Variants in TMEM132C observed in about 807,000 individuals in gnomAD.
The protein encoded by TMEM132C is protein phosphatase 1, regulatory subunit 152.
A neutral mutation model predicts 61.4 loss-of-function variants in TMEM132C; 29 were observed. The ratio of observed to expected loss-of-function variants is 0.47; its 90% CI spans 0.35 to 0.64. The LOEUF (loss-of-function observed/expected upper bound fraction) is 0.64, where lower values mean the gene tolerates loss of function less well. Among genes scored for constraint, TMEM132C ranks in the 30% least tolerant of loss-of-function variants. The pLI, the probability that TMEM132C is intolerant of heterozygous loss-of-function variation, is 0.00. For missense variants in TMEM132C, 1,408 were observed against 1,476.9 expected, an observed-to-expected ratio of 0.95 and a Z score of 0.76; for synonymous variants, 656 against 633.1, an observed-to-expected ratio of 1.04 and a Z score of -0.54.
intron 2 of TMEM132C, among the ~76,000 whole-genome samples, chr12:128,447,705 CTTTTTTTTTTTT>C (rs767506039): frequency 1.9e-4 from 11 of 58,630 alleles, no homozygotes; most frequent in South Asian, 1.4e-3. Flanking sequence ...ATTTCAAGTG[CTTTTTTTTTTTT>C]TTTTTTTTTT....
At chr12:128,451,954 GT>G (rs1216442942) in intron 2 of TMEM132C, among the ~76,000 whole-genome samples, 5 of 151,902 alleles carry the variant, frequency 3.3e-5, no homozygotes, top group African/African-American at 1.2e-4. Context: ...ACAGTGATAA[GT>G]TGAAAGAACA....
rs201172031 is a variant in TMEM132C, at chr12:128,418,907, A to AT, written c.974+3295dup. Among the ~76,000 whole-genome samples, 28 of 151,980 alleles carry AT rather than the reference A, an allele frequency of 1.8e-4. No individual in the cohort carries two copies. The East Asian group carries it at 4.6e-3, about 25-fold the overall frequency. Reference sequence around the variant, plus strand: ...TGCTTCTCCTGTATTTTTTTATTTTATTTTTTTTAAGGAATACAGAGAACT... The same window carrying AT: ...TGCTTCTCCTGTATTTTTTTATTTTATTTTTTTTTAAGGAATACAGAGAACT... On this transcript the variant is annotated intron_variant, in intron 2 of 8. Transcript: ENST00000435159.
intron 4 of TMEM132C, among the ~76,000 whole-genome samples, chr12:128,666,341 GCA>G (rs1260984275): frequency 6.6e-6 from 1 of 151,864 alleles, no homozygotes; most frequent in Non-Finnish European, 1.5e-5. Context: ...ACACACACAG[GCA>G]CACACACATT....
chr12:128,361,528 G>A (rs1873708357), intron 1 of TMEM132C, among the ~76,000 whole-genome samples: 1 of 152,144 alleles, frequency 6.6e-6, no homozygotes, highest in Admixed American at 6.5e-5. Flanking sequence ...CTCCATTGGT[G>A]GTCTTGAAAT....
At chr12:128,604,513 T>C (rs532867205) in intron 3 of TMEM132C, among the ~76,000 whole-genome samples, 3 of 149,278 alleles carry the variant, frequency 2.0e-5, no homozygotes, top group Non-Finnish European at 4.4e-5. Context: ...GATGGCTAGA[T>C]AGATAAATAA....
Position 128,616,247 on chromosome 12 carries a change from A to G in TMEM132C, c.1217A>G (p.Glu406Gly). Residue 406 changes from glutamate (E) to glycine (G), a missense_variant, in exon 4 of 9, where the codon GAG becomes GGG. Coordinates refer to ENST00000435159, the MANE Select transcript of TMEM132C (RefSeq NM_001136103.3). ...ACTCAGCCCATCACGTGGCAGGTGG[A>G]GTACCCACGGAAGGGGACCACAGAC... ...SGTQPITWQV[E>G]YPRKGTTDIA... is the part of the protein sequence containing the mutation. 3 of 1,551,772 alleles carry G rather than the reference A, an allele frequency of 1.9e-6. No homozygotes were observed. Among genetic ancestry groups the G allele is most frequent in the Non-Finnish European group, 2.6e-6 (3 of 1,147,022 alleles).
At chr12:128,599,875 AG>A (rs1876106894) in intron 3 of TMEM132C, among the ~76,000 whole-genome samples, 1 of 152,212 alleles carries the variant, frequency 6.6e-6, no homozygotes, top group African/African-American at 2.4e-5. Flanking sequence ...TGTCATAGGA[AG>A]GACCTGGTGG....
At chr12:128,620,881 A>G (rs1953957565) in intron 4 of TMEM132C, among the ~76,000 whole-genome samples, 1 of 152,034 alleles carries the variant, frequency 6.6e-6, no homozygotes, top group East Asian at 1.9e-4. Flanking sequence ...ATAAAGTGGC[A>G]ATCAGTAGGG....
At chr12:128,537,954 T>G (rs1216238445) in intron 2 of TMEM132C, among the ~76,000 whole-genome samples, 1 of 152,162 alleles carries the variant, frequency 6.6e-6, no homozygotes, top group Non-Finnish European at 1.5e-5. Flanking sequence ...TTTTTTAAAT[T>G]TACTTTTTAA....
intron 1 of TMEM132C, among the ~76,000 whole-genome samples, chr12:128,406,682 C>T (rs571928411): frequency 6.6e-6 from 1 of 152,272 alleles, no homozygotes; most frequent in African/African-American, 2.4e-5. Flanking sequence ...ATTTAAAACT[C>T]TGGAACAAGG....
chr12:128,357,047 A>C (rs1461237403), intron 1 of TMEM132C, among the ~76,000 whole-genome samples: 1 of 152,226 alleles, frequency 6.6e-6, no homozygotes, highest in Non-Finnish European at 1.5e-5. Flanking sequence ...TGCAAACATT[A>C]TACTAAAAAA....
At chr12:128,636,564 TTGTGTGTGTGTGTGTG>T (rs61201583) in intron 4 of TMEM132C, among the ~76,000 whole-genome samples, 15 of 142,250 alleles carry the variant, frequency 1.1e-4, no homozygotes, top group South Asian at 4.8e-4. Context: ...GGGTTTTTGT[TTGTGTGTGTGTGTGTG>T]TGTGTGTGTG....
intron 2 of TMEM132C, among the ~76,000 whole-genome samples, chr12:128,543,635 T>C (rs58879090): frequency 2.0e-5 from 3 of 152,260 alleles, no homozygotes; most frequent in African/African-American, 7.2e-5. Context: ...CAGAGCCCCC[T>C]GAGTGAGGAG....
At chr12:128,468,447 A>G (rs1285732002) in intron 2 of TMEM132C, among the ~76,000 whole-genome samples, 1 of 151,998 alleles carries the variant, frequency 6.6e-6, no homozygotes, top group Non-Finnish European at 1.5e-5. Context: ...CCTCCCAAGT[A>G]GCTGGGATTA....
intron 2 of TMEM132C, among the ~76,000 whole-genome samples, chr12:128,420,994 C>T (rs1868967544): frequency 1.3e-5 from 2 of 152,152 alleles, no homozygotes; most frequent in Admixed American, 1.3e-4. Context: ...TGGGAACCAA[C>T]ACTGTATTTT....
chr12:128,587,315 G>A (rs556209708), intron 3 of TMEM132C, among the ~76,000 whole-genome samples: 12 of 152,302 alleles, frequency 7.9e-5, no homozygotes, highest in South Asian at 2.1e-4. Context: ...TTCTGTATCC[G>A]GTGAGGGCTC....
chr12:128,705,042 G>C, intron 8 of TMEM132C, 48 bp from the exon 9 acceptor site: 2 of 1,467,156 alleles, frequency 1.4e-6, no homozygotes, highest in South Asian at 2.8e-5. Context: ...GGTTTCTAAG[G>C]GAAAAGGCAT....
At chr12:128,347,954 G>C (rs1873224829) in intron 1 of TMEM132C, among the ~76,000 whole-genome samples, 1 of 152,138 alleles carries the variant, frequency 6.6e-6, no homozygotes, top group Non-Finnish European at 1.5e-5. Context: ...TGAGTTATAG[G>C]ATCAGCTTGT....
chr12:128,407,838 T>C (rs1398376575), intron 1 of TMEM132C, among the ~76,000 whole-genome samples: 2 of 152,230 alleles, frequency 1.3e-5, no homozygotes, highest in South Asian at 2.1e-4. Flanking sequence ...CAAAGTCTTA[T>C]GCAAAGGTTG....
Sources: gnomAD v4.1 joint callset for allele counts (sites outside exome capture counted in the v4.1 genomes callset) on GRCh38, gnomAD v4.1.1 for gene constraint, MANE v1.5 for transcripts, NCBI Gene and HGNC (gene_info 2026-07-23, HGNC 2026-07-21) for gene names.